The following SNURF variants were observed in gnomAD, a reference collection of about 807,000 sequenced individuals.
SNURF encodes SNURF protein.
A neutral mutation model predicts 11.6 loss-of-function variants in SNURF; 6 were observed. That is an observed-to-expected ratio of 0.52 (90% CI 0.28 to 1.02). SNURF has a LOEUF of 1.02. Among genes scored for constraint, SNURF ranks in the 50% least tolerant of loss-of-function variants. The pLI is 0.09. For missense variants in SNURF, 84 were observed against 88.4 expected, an observed-to-expected ratio of 0.95 and a Z score of 0.20; for synonymous variants, 29 against 31.6, an observed-to-expected ratio of 0.92 and a Z score of 0.27.
chr15:24,973,257 GTAGCCTAGGATCTACCA>G (rs1484446950), downstream of SNURF, among the ~76,000 whole-genome samples: 1 of 152,124 alleles, frequency 6.6e-6, no homozygotes, highest in Non-Finnish European at 1.5e-5. Context: ...ATACAGGTTT[GTAGCCTAGGATCTACCA>G]TATTGCCTAA....
downstream of SNURF, chr15:24,978,035 T>C: frequency 4.9e-6 from 6 of 1,212,176 alleles, no homozygotes; most frequent in South Asian, 7.3e-5. Flanking sequence ...TTCTAGATAC[T>C]GGTTTTTAAT....
intron 1 of SNURF, among the ~76,000 whole-genome samples, chr15:24,958,574 C>CAA (rs1316190015): frequency 1.5e-5 from 2 of 137,670 alleles, no homozygotes; most frequent in Admixed American, 1.6e-4. Flanking sequence ...CTGCTAGACT[C>CAA]AAGCTATATC....
At chr15:24,956,357 G>GGGGGGC (rs1555404332) in intron 1 of SNURF, among the ~76,000 whole-genome samples, 1 of 151,704 alleles carries the variant, frequency 6.6e-6, no homozygotes, top group Admixed American at 6.6e-5. Context: ...GCTTCAGCGG[G>GGGGGGC]GGGGTGGCCG....
At chr15:24,964,104 T>A (rs904231053) in intron 2 of SNURF, among the ~76,000 whole-genome samples, 9 of 152,080 alleles carry the variant, frequency 5.9e-5, no homozygotes, top group Non-Finnish European at 8.8e-5. Flanking sequence ...ATTTTTTTTT[T>A]ATTTTTTCCT....
At chr15:24,974,861 G>A (rs1045153938) in intron 3 of SNURF, 2 of 699,134 alleles carry the variant, frequency 2.9e-6, no homozygotes, top group African/African-American at 3.5e-5. Flanking sequence ...ACTGTGCCTG[G>A]CCATGAGAAA....
At chr15:24,973,148 C>G (rs918529834), downstream of SNURF, among the ~76,000 whole-genome samples, 4 of 152,020 alleles carry the variant, frequency 2.6e-5, no homozygotes, top group African/African-American at 9.7e-5. Flanking sequence ...CTCGGTTTCC[C>G]AAAGTGTTGG....
chr15:24,977,717 C>T lies in SNURF; in HGVS notation c.*463-61C>T, dbSNP rs1411046796. 8 of 1,455,304 alleles carry T rather than the reference C, an allele frequency of 5.5e-6. No individual in the cohort carries two copies. The East Asian group carries it at 1.9e-4, about 35-fold the overall frequency. 90.1% of individuals were successfully genotyped at this position (1,455,304 alleles called of 1,614,324 possible). On this transcript the variant is annotated intron_variant and NMD_transcript_variant, in intron 6 of 6. Coordinates refer to the SNURF transcript ENST00000580062. ...ATTGGTCATTTTTCTCATTTATTTT[C>T]TGTGTTTGAATAATGTGAAGGTTTG...
At chr15:24,971,244 A>G (rs184243889), downstream of SNURF, among the ~76,000 whole-genome samples, 6 of 152,320 alleles carry the variant, frequency 3.9e-5, no homozygotes, top group East Asian at 1.2e-3. Context: ...CAGAAGATAC[A>G]CTATGACTGC....
At chr15:24,956,264 AC>A (rs1263566296) in intron 1 of SNURF, among the ~76,000 whole-genome samples, 2 of 148,446 alleles carry the variant, frequency 1.3e-5, no homozygotes, top group Admixed American at 6.9e-5. Context: ...TGTCGAAATA[AC>A]CTGGGGGTCT....
At chr15:24,963,017 T>G (rs2075077989) in intron 2 of SNURF, among the ~76,000 whole-genome samples, 1 of 152,106 alleles carries the variant, frequency 6.6e-6, no homozygotes, top group Non-Finnish European at 1.5e-5. Context: ...ACTGGCCTTT[T>G]CCTCCCCAGA....
At chr15:24,961,625 A>C (rs932895083) in intron 1 of SNURF, among the ~76,000 whole-genome samples, 1 of 152,092 alleles carries the variant, frequency 6.6e-6, no homozygotes. Context: ...GCAAATCCTA[A>C]AGAAAGCACC....
chr15:24,966,094 A>G (rs551853100), intron 2 of SNURF, among the ~76,000 whole-genome samples: 28 of 152,272 alleles, frequency 1.8e-4, no homozygotes, highest in Non-Finnish European at 2.6e-4. Flanking sequence ...CAAATTTCAC[A>G]GTTGTCTAGA....
chr15:24,972,399 A>G (rs1169437190), downstream of SNURF, among the ~76,000 whole-genome samples: 2 of 152,176 alleles, frequency 1.3e-5, no homozygotes, highest in Non-Finnish European at 2.9e-5. Context: ...TAGGACAGAA[A>G]CTACATTTAA....
chr15:24,975,543 CAG>C (rs775194371), intron 4 of SNURF: 12 of 1,592,808 alleles, frequency 7.5e-6, no homozygotes, highest in South Asian at 1.1e-5. Flanking sequence ...GGGTTGGACA[CAG>C]AGGCAGTGGG....
chr15:24,968,328 A>T (rs949380631), exon 3 of SNURF: 1 of 297,968 alleles, frequency 3.4e-6, no homozygotes, highest in African/African-American at 2.2e-5. Flanking sequence ...CGTTTTTTTT[A>T]ATTATATAAA....
chr15:24,974,215 T>G, intron 3 of SNURF: 2 of 543,680 alleles, frequency 3.7e-6, no homozygotes, highest in South Asian at 2.3e-5. Flanking sequence ...AGGATGTTTT[T>G]GAACGTGTCT....
At chr15:24,957,998 G>A (rs2063197516) in intron 1 of SNURF, among the ~76,000 whole-genome samples, 1 of 152,104 alleles carries the variant, frequency 6.6e-6, no homozygotes, top group Non-Finnish European at 1.5e-5. Flanking sequence ...GTGATGCAGA[G>A]GAAGGAAGCT....
chr15:24,967,075 T>G (rs1596277495), intron 2 of SNURF: 1 of 152,116 alleles, frequency 6.6e-6, no homozygotes, highest in East Asian at 1.9e-4. Context: ...CCTAAACATC[T>G]CCCTGCAAAT....
In SNURF at chr15:24,977,063, G is replaced by C. The variant is rs115147170; in HGVS notation, c.*462+34G>C. ...CCAGCAGAGGGTTTTATATTATTGGGAGAATATGACTAAGCCGGAGGCCGA... is the reference window on the plus strand; with the variant it reads ...CCAGCAGAGGGTTTTATATTATTGGCAGAATATGACTAAGCCGGAGGCCGA... On this transcript the variant is annotated intron_variant and NMD_transcript_variant, in intron 6 of 6. Transcript: ENST00000580062. 203 of 1,512,296 alleles carry C rather than the reference G, an allele frequency of 1.3e-4. No homozygotes were observed. In the African/African-American group the frequency reaches 2.6e-3, roughly 20 times the overall value. The allele number at this position is 1,512,296 out of a possible 1,614,324, so 93.7% of individuals were successfully genotyped here. A position where few individuals can be genotyped will look rare whatever the true frequency, so the allele number is the denominator to read the frequency against.
Sources: allele counts gnomAD v4.1 joint callset (sites outside exome capture counted in the v4.1 genomes callset), GRCh38; gene constraint gnomAD v4.1.1; transcripts MANE v1.5; gene names NCBI Gene and HGNC (gene_info 2026-07-23, HGNC 2026-07-21).